PRELID2: variants seen among roughly 807,000 people sequenced by gnomAD.
PRELID2 encodes the protein PRELI domain containing 2, also known as PRELI domain-containing protein 2.
A neutral mutation model predicts 28.4 loss-of-function variants in PRELID2; 25 were observed. The ratio of observed to expected loss-of-function variants is 0.88; its 90% CI spans 0.64 to 1.23. The LOEUF is 1.23. PRELID2 is among the 50% of genes most tolerant of loss of function. The pLI is 0.00. For missense variants in PRELID2, 201 were observed against 214.4 expected (o/e 0.94, Z 0.39); for synonymous variants, 76 against 71.6 (o/e 1.06, Z -0.31).
the PRELID2 span, among the ~76,000 whole-genome samples, chr5:145,394,787 G>A: frequency 1.3e-5 from 2 of 152,056 alleles, no homozygotes; most frequent in African/African-American, 2.4e-5. Flanking sequence ...GAGAGCAAAT[G>A]TAAGTGTTAG....
chr5:145,329,818 T>G, the PRELID2 span, among the ~76,000 whole-genome samples: 3 of 152,362 alleles, frequency 2.0e-5, no homozygotes, highest in Non-Finnish European at 4.4e-5. Context: ...AATACGATGT[T>G]GAACAGGAGT....
intron 1 of PRELID2, among the ~76,000 whole-genome samples, chr5:145,589,937 G>A (rs1407090707): frequency 2.0e-5 from 3 of 152,012 alleles, no homozygotes; most frequent in Non-Finnish European, 4.4e-5. Context: ...TTTTTGAATA[G>A]CCCATCAGCT....
rs573508129 is a variant in PRELID2 at position 145,541,497 on chromosome 5, A to G, written n.71-68182T>C. 2.0e-5 allele frequency among the ~76,000 whole-genome samples: 3 copies of G among 152,200 alleles called. No homozygotes were observed. In the East Asian group the frequency reaches 5.8e-4, roughly 29 times the overall value. ...CATGGAACCACAGTTCATACACTGA[A>G]CCATTACACAATCCTTGCTTCTCAC... On this transcript the variant is annotated intron_variant and non_coding_transcript_variant, in intron 1 of 2. Transcript: ENST00000510259.
chr5:145,807,195 G>A (rs1753572782), intron 4 of PRELID2, among the ~76,000 whole-genome samples: 1 of 152,076 alleles, frequency 6.6e-6, no homozygotes, highest in Non-Finnish European at 1.5e-5. Context: ...ACAATCTTAT[G>A]GTACCACCTT....
At chr5:145,437,568 T>C in the PRELID2 span, among the ~76,000 whole-genome samples, 1 of 152,088 alleles carries the variant, frequency 6.6e-6, no homozygotes, top group Non-Finnish European at 1.5e-5. Context: ...CCCACTACAA[T>C]AGAAGACAGT....
In PRELID2 at chr5:145,822,986, C is replaced by A. The variant is rs1219493665; in HGVS notation, c.133+91G>T. 1.7e-5 allele frequency: 11 copies of A among 656,882 alleles called. 1 individual carries two copies. The highest frequency in any genetic ancestry group is 1.3e-4 in the South Asian group (6 of 46,844). The allele number at this position is 656,882 out of a possible 1,614,324, so 40.7% of individuals were successfully genotyped here. A position where few individuals can be genotyped will look rare whatever the true frequency, so the allele number is the denominator to read the frequency against. On this transcript the variant is annotated intron_variant, in intron 2 of 6. Transcript: ENST00000683046. ...CAGGTGAACAATTTTTTAAAAAAAA[C>A]CTAATAGGCCACACACACACGTACA...
At chr5:145,689,468 C>T (rs973794218) in intron 1 of PRELID2, among the ~76,000 whole-genome samples, 18 of 152,154 alleles carry the variant, frequency 1.2e-4, no homozygotes, top group African/African-American at 4.1e-4. Context: ...CAAAGCCTAC[C>T]GGGGAGCCAA....
At chr5:145,368,719 A>G in the PRELID2 span, among the ~76,000 whole-genome samples, 1 of 151,868 alleles carries the variant, frequency 6.6e-6, no homozygotes, top group South Asian at 2.1e-4. Flanking sequence ...TTATTTCTTA[A>G]TAATAGGCTT....
At chr5:145,776,615 G>T (rs1561595019) in intron 5 of PRELID2, among the ~76,000 whole-genome samples, 1 of 152,156 alleles carries the variant, frequency 6.6e-6, no homozygotes, top group Non-Finnish European at 1.5e-5. Context: ...ACCCACTGGG[G>T]GTCTTGGAAC....
At chr5:145,794,512 T>C in intron 5 of PRELID2, among the ~76,000 whole-genome samples, 1 of 152,138 alleles carries the variant, frequency 6.6e-6, no homozygotes. Flanking sequence ...TGACAAAAGA[T>C]AGGGATTTAA....
chr5:145,274,550 A>G, the PRELID2 span, among the ~76,000 whole-genome samples: 3 of 152,190 alleles, frequency 2.0e-5, no homozygotes, highest in Admixed American at 1.3e-4. Context: ...TAGAGGTTAA[A>G]AAGTAGGCAC....
intron 1 of PRELID2, among the ~76,000 whole-genome samples, chr5:145,557,588 C>T (rs1262969750): frequency 6.6e-6 from 1 of 152,202 alleles, no homozygotes; most frequent in African/African-American, 2.4e-5. Flanking sequence ...GGAGATGCCG[C>T]TGGTGGAGCA....
chr5:145,786,412 G>A (rs539588798), intron 5 of PRELID2, among the ~76,000 whole-genome samples: 1 of 152,284 alleles, frequency 6.6e-6, no homozygotes, highest in South Asian at 2.1e-4. Flanking sequence ...GCACTCTCTT[G>A]CTCTCACGCT....
intron 1 of PRELID2, among the ~76,000 whole-genome samples, chr5:145,734,959 AG>A (rs1467427281): frequency 6.6e-6 from 1 of 152,200 alleles, no homozygotes; most frequent in African/African-American, 2.4e-5. Flanking sequence ...ACAGATAAAA[AG>A]CTACAGCTGG....
At chr5:145,239,963 A>G in the PRELID2 span, among the ~76,000 whole-genome samples, 2 of 152,096 alleles carry the variant, frequency 1.3e-5, no homozygotes, top group South Asian at 4.1e-4. Context: ...GGCCCCCAGC[A>G]AAGCATATCG....
chr5:145,429,618 A>G, the PRELID2 span, among the ~76,000 whole-genome samples: 9 of 152,210 alleles, frequency 5.9e-5, no homozygotes, highest in Non-Finnish European at 1.3e-4. Flanking sequence ...GCGGAAGTCC[A>G]AGGACTGAGA....
the PRELID2 span, among the ~76,000 whole-genome samples, chr5:145,269,842 T>A: frequency 1.3e-5 from 2 of 148,614 alleles, no homozygotes; most frequent in Non-Finnish European, 3.0e-5. Context: ...TTTTATAGAC[T>A]GAGAAATTCA....
intron 1 of PRELID2, among the ~76,000 whole-genome samples, chr5:145,823,866 C>T (rs983263254): frequency 6.6e-6 from 1 of 152,192 alleles, no homozygotes. Flanking sequence ...GATACATTAG[C>T]TCAGTTAATT....
At chr5:145,465,408 ATGAATTC>A in the PRELID2 span, among the ~76,000 whole-genome samples, 5 of 152,186 alleles carry the variant, frequency 3.3e-5, no homozygotes, top group Non-Finnish European at 7.3e-5. Flanking sequence ...GAACCAGGCA[ATGAATTC>A]CATTGTGTGA....
Sources: gnomAD v4.1 joint callset for allele counts (sites outside exome capture counted in the v4.1 genomes callset) on GRCh38, gnomAD v4.1.1 for gene constraint, MANE v1.5 for transcripts, NCBI Gene and HGNC (gene_info 2026-07-23, HGNC 2026-07-21) for gene names.